DEAF1: variants seen among roughly 807,000 people sequenced by gnomAD.
The protein encoded by DEAF1 is deformed epidermal autoregulatory factor 1 homolog.
In DEAF1, 53 loss-of-function variants were observed where a neutral mutation model predicts 58.9. The ratio of observed to expected loss-of-function variants is 0.90; its 90% CI spans 0.72 to 1.13. The LOEUF is 1.13. Among genes scored for constraint, DEAF1 ranks in the 50% most tolerant of loss-of-function variants. DEAF1 has a pLI of 0.00. For synonymous variants in DEAF1, 385 were observed against 340.4 expected (o/e 1.13, Z -1.44); for missense variants, 685 against 791.4 (o/e 0.87, Z 1.61).
chr11:698,538 A>G (rs1861301591), upstream of DEAF1, among the ~76,000 whole-genome samples: 1 of 152,202 alleles, frequency 6.6e-6, no homozygotes, highest in African/African-American at 2.4e-5. Context: ...GCCACAGACA[A>G]TGAGAGCAGC....
At chr11:694,497 G>T (rs1419399763) in intron 1 of DEAF1, 3 of 356,946 alleles carry the variant, frequency 8.4e-6, no homozygotes, top group Non-Finnish European at 1.5e-5. Context: ...AAGTGTGAGG[G>T]GCGGGTGGGG....
At position 674,594 on chromosome 11, in the gene DEAF1, G is replaced by A. The variant is rs758458107; in HGVS notation, c.1445C>T (p.Thr482Ile). Reference protein sequence around the residue: ...TLFEQAKHASTYREAATNQAK... With the variant: ...TLFEQAKHASIYREAATNQAK... ...CTGGTTTGTGGCAGCTTCTCGGTAGGTGCTGGCATGCTTGGCTTGCTCAAA... is the reference window on the plus strand; with the variant it reads ...CTGGTTTGTGGCAGCTTCTCGGTAGATGCTGGCATGCTTGGCTTGCTCAAA... Residue 482 changes from threonine (T) to isoleucine (I), a missense_variant, in exon 10 of 12, where the codon ACC becomes ATC. By Grantham distance (89) the Thr-to-Ile change is moderately conservative. Around this residue, in one of 3 missense-constraint regions of DEAF1, gnomAD observed 343 missense variants for 379.8 expected, o/e 0.90. Coordinates refer to ENST00000382409, the MANE Select transcript of DEAF1 (RefSeq NM_021008.4). The A allele has an allele frequency of 6.2e-7, 1 of 1,614,164 alleles. No homozygotes were observed. Among genetic ancestry groups the A allele is most frequent in the Non-Finnish European group, 8.5e-7 (1 of 1,180,034 alleles).
rs554329863 is a variant in DEAF1 at position 682,712 on chromosome 11, T to A, written c.871-1623A>T. ...CTCACTGCATGGACACCCCACCCTA[T>A]GGGCAATGTGGGTTGATGGAAATTG... is the stretch of plus-strand genomic sequence containing the variant. On this transcript the variant is annotated intron_variant, in intron 6 of 11. Transcript: ENST00000382409. 2.6e-5 allele frequency among the ~76,000 whole-genome samples: 4 copies of A among 152,286 alleles called. No individual in the cohort carries two copies. The East Asian group carries it at 7.7e-4, about 29-fold the overall frequency.
chr11:691,479 T>C, intron 2 of DEAF1, 22 bp downstream of exon 2: 1 of 1,607,146 alleles, frequency 6.2e-7, no homozygotes, highest in Non-Finnish European at 8.5e-7. Flanking sequence ...CGCCCTGGGC[T>C]GTGCCCCTCG....
At chr11:694,439 T>G in intron 1 of DEAF1, 13 of 253,456 alleles carry the variant, frequency 5.1e-5, no homozygotes, top group East Asian at 1.4e-4. Context: ...GAGGCAGGTA[T>G]TTGTGGCAGG....
chr11:687,485 GTTTT>G (rs1363230880), intron 4 of DEAF1, among the ~76,000 whole-genome samples: 3 of 152,200 alleles, frequency 2.0e-5, no homozygotes, highest in Non-Finnish European at 4.4e-5. Flanking sequence ...CTTTTGTCTT[GTTTT>G]TTTGTTGTCG....
chr11:696,034 ACCCCGAAGAG>A (rs1861135259), upstream of DEAF1, among the ~76,000 whole-genome samples: 1 of 151,758 alleles, frequency 6.6e-6, no homozygotes, highest in Non-Finnish European at 1.5e-5. Context: ...GGCGTCCTGC[ACCCCGAAGAG>A]CTCCCCCGCG....
rs1478394146 is a variant in DEAF1, at chr11:683,372, A to C, written c.870+1526T>G. On this transcript the variant is annotated intron_variant, in intron 6 of 11. Transcript: ENST00000382409. ...TTGTACCAAGTGTGAAGTTTAGGTC[A>C]TCCTTTGTCTCTGCTGATGAACGTC... Among the ~76,000 whole-genome samples, 4 of 152,122 alleles carry C rather than the reference A, an allele frequency of 2.6e-5. 1 individual carries two copies. Among genetic ancestry groups the C allele is most frequent in the Admixed American group, 2.6e-4 (4 of 15,270 alleles).
At chr11:700,260 C>T (rs1000695264) in intron 1 of DEAF1, 2 of 1,596,486 alleles carry the variant, frequency 1.3e-6, no homozygotes, top group Admixed American at 1.7e-5. Flanking sequence ...GGCACAGTGG[C>T]TCACGCCTGT....
At position 694,964 on chromosome 11, in the gene DEAF1, CGCCGCCGCCACA is replaced by C; in HGVS notation, c.72_83del (p.Val25_Ala28del). On this transcript the variant is annotated inframe_deletion, in exon 1 of 12. Coordinates refer to ENST00000382409, the MANE Select transcript of DEAF1 (RefSeq NM_021008.4). ...CCTCGCCTCCTGCCGCGGCCGCGGC[CGCCGCCGCCACA>C]GCGGCCGCGGCCGCCACCGCCGCCG... is the stretch of plus-strand genomic sequence containing the variant. The C allele has an allele frequency of 8.6e-7, 1 of 1,164,242 alleles. No homozygotes were observed. The highest frequency in any genetic ancestry group is 1.1e-6 in the Non-Finnish European group (1 of 945,086). The allele number at this position is 1,164,242 out of a possible 1,614,324, so 72.1% of individuals were successfully genotyped here. A position where few individuals can be genotyped will look rare whatever the true frequency, so the allele number is the denominator to read the frequency against.
At chr11:648,788 A>C (rs530119023) in intron 11 of DEAF1, among the ~76,000 whole-genome samples, 1 of 152,212 alleles carries the variant, frequency 6.6e-6, no homozygotes, top group Non-Finnish European at 1.5e-5. Flanking sequence ...ACAACTTTAA[A>C]GATACTGTTT....
At chr11:674,067 C>T (rs777243395) in intron 10 of DEAF1, 155 of 265,602 alleles carry the variant, frequency 5.8e-4, no homozygotes, top group Non-Finnish European at 1.1e-3. Context: ...GAGCCGCCTT[C>T]TGAAGAACGT....
intron 1 of DEAF1, chr11:703,896 T>C: frequency 8.1e-7 from 1 of 1,240,364 alleles, no homozygotes; most frequent in Non-Finnish European, 1.0e-6. Context: ...CACTCCAGTT[T>C]TATCAGCTTT....
At chr11:681,352 C>A (rs1033368527) in intron 6 of DEAF1, among the ~76,000 whole-genome samples, 1 of 151,930 alleles carries the variant, frequency 6.6e-6, no homozygotes, top group African/African-American at 2.4e-5. Flanking sequence ...CTGCGTTAGT[C>A]TCCTGAGTAG....
At chr11:652,562 C>A (rs538699533) in intron 11 of DEAF1, among the ~76,000 whole-genome samples, 11 of 151,784 alleles carry the variant, frequency 7.2e-5, no homozygotes, top group Admixed American at 6.6e-5. Flanking sequence ...CACTTGAACC[C>A]GGGAGGCAGA....
At chr11:699,872 C>G (rs960006807), upstream of DEAF1, 13 of 442,760 alleles carry the variant, frequency 2.9e-5, no homozygotes. Flanking sequence ...CAGTCCTGTC[C>G]ACAGTCAGGA....
Position 678,839 on chromosome 11 carries a change from G to C in DEAF1, c.1127-17C>G. On this transcript the variant is annotated splice_polypyrimidine_tract_variant and intron_variant, in intron 8 of 11. Transcript: ENST00000382409. ...CCTCTTGGACTGTTGGGGAGAAAAA[G>C]GACAGGGAGGCTCGGGATGGTTGTC... The C allele has an allele frequency of 6.2e-7, 1 of 1,613,132 alleles. No individual in the cohort carries two copies. Among genetic ancestry groups the C allele is most frequent in the Non-Finnish European group, 8.5e-7 (1 of 1,179,278 alleles).
upstream of DEAF1, chr11:698,781 CAG>C (rs1431247129): frequency 5.5e-6 from 8 of 1,465,120 alleles, no homozygotes; most frequent in African/African-American, 1.4e-5. Flanking sequence ...GAAAATAAAG[CAG>C]GGGTGGTTCC....
At chr11:670,422 A>C (rs1444006080) in intron 10 of DEAF1, among the ~76,000 whole-genome samples, 1 of 133,640 alleles carries the variant, frequency 7.5e-6, no homozygotes, top group Non-Finnish European at 1.6e-5. Context: ...TTTTTTTTAA[A>C]GTATTTTTTT....
Sources: gnomAD v4.1 joint callset for allele counts (sites outside exome capture counted in the v4.1 genomes callset) on GRCh38, gnomAD v4.1.1 for gene constraint, gnomAD v4.1.1 regional missense constraint, MANE v1.5 for transcripts, NCBI Gene and HGNC (gene_info 2026-07-23, HGNC 2026-07-21) for gene names.